STXBP5L: variants seen among roughly 807,000 people sequenced by gnomAD.
STXBP5L encodes syntaxin-binding protein 5-like.
In STXBP5L, 65 loss-of-function variants were observed where a neutral mutation model predicts 144.5. That is an observed-to-expected ratio of 0.45 (90% confidence interval 0.37 to 0.55). The LOEUF (loss-of-function observed/expected upper bound fraction) is 0.55, where lower values mean the gene tolerates loss of function less well. Among genes scored for constraint, STXBP5L ranks in the 20% least tolerant of loss-of-function variants. STXBP5L has a pLI of 0.00. For missense variants in STXBP5L, 1,298 were observed against 1,405.5 expected, an observed-to-expected ratio of 0.92 and a Z score of 1.22; for synonymous variants, 505 against 469.6, an observed-to-expected ratio of 1.08 and a Z score of -0.97.
chr3:121,084,432 C>T (rs2042393749), intron 5 of STXBP5L, among the ~76,000 whole-genome samples: 1 of 152,102 alleles, frequency 6.6e-6, no homozygotes, highest in Admixed American at 6.6e-5. Context: ...TGTTCAGCTC[C>T]CACTTATAAG....
chr3:121,229,441 T>G (rs2049230587), intron 11 of STXBP5L, among the ~76,000 whole-genome samples: 1 of 152,200 alleles, frequency 6.6e-6, no homozygotes, highest in Non-Finnish European at 1.5e-5. Flanking sequence ...TCAATTGGAA[T>G]TTTTAGCTTC....
In STXBP5L at chr3:121,415,942, G is replaced by A; in HGVS notation, c.3200G>A (p.Gly1067Glu). The A allele has an allele frequency of 6.2e-7, 1 of 1,613,140 alleles. No individual in the cohort carries two copies. The highest frequency in any genetic ancestry group is 8.5e-7 in the Non-Finnish European group (1 of 1,179,404). ...GFLKGLFGGS[G>E]QTFDREELFG... ...CTCAAGGGACTGTTTGGTGGAAGCG[G>A]ACAAACATTTGACAGAGAAGAGCTC... The change falls in exon 25 of 27, where the codon GGA becomes GAA. Residue 1067 changes from glycine (G) to glutamate (E), a missense_variant. Gly to Glu is a moderately conservative substitution (Grantham distance 98). Coordinates refer to ENST00000471454, the MANE Select transcript of STXBP5L (RefSeq NM_001308330.2).
intron 3 of STXBP5L, among the ~76,000 whole-genome samples, chr3:121,016,354 C>T (rs1576669594): frequency 6.6e-6 from 1 of 152,022 alleles, no homozygotes; most frequent in South Asian, 2.1e-4. Context: ...AGAGATTAGA[C>T]AAAATGTATA....
intron 5 of STXBP5L, among the ~76,000 whole-genome samples, chr3:121,069,884 G>A (rs1189154421): frequency 6.6e-6 from 1 of 152,038 alleles, no homozygotes; most frequent in East Asian, 1.9e-4. Context: ...TTGCACTTTT[G>A]TCGAAACTCC....
chr3:121,265,207 G>A (rs1211418360), intron 18 of STXBP5L, among the ~76,000 whole-genome samples: 4 of 152,012 alleles, frequency 2.6e-5, no homozygotes, highest in Admixed American at 6.6e-5. Context: ...TTCTAAAATT[G>A]ACCACATAAT....
chr3:121,069,794 G>A (rs1335600606), intron 5 of STXBP5L, among the ~76,000 whole-genome samples: 4 of 151,968 alleles, frequency 2.6e-5, no homozygotes, highest in African/African-American at 9.7e-5. Flanking sequence ...TGAGGTCAAG[G>A]TTGTTTTTTC....
chr3:121,180,675 G>A (rs1229953005), intron 9 of STXBP5L, among the ~76,000 whole-genome samples: 1 of 152,170 alleles, frequency 6.6e-6, no homozygotes, highest in Non-Finnish European at 1.5e-5. Context: ...AGCGGTTCAA[G>A]ACCAGCCTGA....
chr3:121,142,506 T>G (rs1350587766), intron 7 of STXBP5L, among the ~76,000 whole-genome samples: 2 of 151,952 alleles, frequency 1.3e-5, no homozygotes, highest in Non-Finnish European at 2.9e-5. Context: ...CGTTAGGCCA[T>G]GAAACAAACC....
chr3:121,193,633 T>G (rs1460206371), intron 9 of STXBP5L, among the ~76,000 whole-genome samples: 1 of 152,212 alleles, frequency 6.6e-6, no homozygotes, highest in Non-Finnish European at 1.5e-5. Context: ...CATGGAATAC[T>G]ATGCAGCCAT....
intron 5 of STXBP5L, among the ~76,000 whole-genome samples, chr3:121,074,123 G>T (rs1311792958): frequency 1.3e-5 from 2 of 152,184 alleles, no homozygotes; most frequent in Non-Finnish European, 2.9e-5. Flanking sequence ...CCTCAAAAAT[G>T]ATTGGGGGGT....
intron 10 of STXBP5L, among the ~76,000 whole-genome samples, chr3:121,218,523 A>G (rs1182019468): frequency 6.6e-6 from 1 of 151,690 alleles, no homozygotes; most frequent in African/African-American, 2.4e-5. Flanking sequence ...TGATTTCCAT[A>G]CAACATGGAA....
chr3:121,330,825 C>A (rs187069131), intron 20 of STXBP5L, among the ~76,000 whole-genome samples: 4 of 152,164 alleles, frequency 2.6e-5, no homozygotes, highest in Non-Finnish European at 5.9e-5. Context: ...TCACATGACC[C>A]GTTCATTACT....
chr3:121,094,900 G>A (rs1181893035), intron 5 of STXBP5L, among the ~76,000 whole-genome samples: 1 of 152,100 alleles, frequency 6.6e-6, no homozygotes. Context: ...TGATTTTGCA[G>A]CGGCTGGTAC....
In STXBP5L at chr3:121,157,504, G is replaced by A; in HGVS notation, c.754G>A (p.Ala252Thr). 2 of 1,573,118 alleles carry A rather than the reference G, an allele frequency of 1.3e-6. No individual in the cohort carries two copies. The highest frequency in any genetic ancestry group is 1.7e-6 in the Non-Finnish European group (2 of 1,165,188). The change falls in exon 9 of 27, where the codon GCT becomes ACT. Residue 252 changes from alanine (A) to threonine (T), a missense_variant and splice_region_variant. By Grantham distance (58) the Ala-to-Thr change is moderately conservative. Transcript: ENST00000471454. Reference protein sequence around the residue: ...RAELRVYYDEAIHSIDWHHEG... With the variant: ...RAELRVYYDETIHSIDWHHEG... ...CTTGTTTTAATTGTTATTTTATTAGGCTATTCATTCAATTGATTGGCATCA... is the reference window on the plus strand; with the variant it reads ...CTTGTTTTAATTGTTATTTTATTAGACTATTCATTCAATTGATTGGCATCA...
At chr3:121,058,589 C>A (rs929456751) in intron 5 of STXBP5L, among the ~76,000 whole-genome samples, 3 of 152,218 alleles carry the variant, frequency 2.0e-5, no homozygotes, top group Non-Finnish European at 4.4e-5. Context: ...TACACTCCCA[C>A]CAACAGTGTA....
rs111371171 is a variant in STXBP5L at position 121,293,159 on chromosome 3, C to T, written c.2110+13203C>T. 9.0e-3 allele frequency among the ~76,000 whole-genome samples: 1,373 copies of T among 152,292 alleles called. 20 individuals carry two copies. The highest frequency in any genetic ancestry group is 0.031 in the African/African-American group (1,268 of 41,556). ...ATAAAAAAGAATATACTATTGATAACTACTACAACATGGATGAATCCAAAA... is the reference window on the plus strand; with the variant it reads ...ATAAAAAAGAATATACTATTGATAATTACTACAACATGGATGAATCCAAAA... On this transcript the variant is annotated intron_variant, in intron 19 of 26. Coordinates refer to ENST00000471454, the MANE Select transcript of STXBP5L (RefSeq NM_001308330.2).
At chr3:121,415,277 G>T (rs2047207046) in intron 24 of STXBP5L, among the ~76,000 whole-genome samples, 1 of 152,168 alleles carries the variant, frequency 6.6e-6, no homozygotes, top group Non-Finnish European at 1.5e-5. Context: ...GTGGAATGCA[G>T]CCTGGATATC....
chr3:121,377,244 G>C lies in STXBP5L; in HGVS notation c.2177-1472G>C, dbSNP rs752011072. 2.0e-5 allele frequency among the ~76,000 whole-genome samples: 3 copies of C among 151,808 alleles called. No individual in the cohort carries two copies. The South Asian group carries it at 6.2e-4, about 32-fold the overall frequency. On this transcript the variant is annotated intron_variant, in intron 20 of 26. Transcript: ENST00000471454. ...TTTCTTTCTCTTTCCTGATTGCCCT[G>C]GCCAGAACTTCCATTCAGGACATAG...
intron 18 of STXBP5L, among the ~76,000 whole-genome samples, chr3:121,263,269 C>A (rs2050444491): frequency 6.6e-6 from 1 of 152,132 alleles, no homozygotes; most frequent in Non-Finnish European, 1.5e-5. Flanking sequence ...AAAAAAATAG[C>A]ATCAACATCA....
Sources: gnomAD v4.1 joint callset for allele counts (sites outside exome capture counted in the v4.1 genomes callset) on GRCh38, gnomAD v4.1.1 for gene constraint, MANE v1.5 for transcripts, NCBI Gene and HGNC (gene_info 2026-07-23, HGNC 2026-07-21) for gene names.